The following FN1 variants were observed in gnomAD, a reference collection of about 807,000 sequenced individuals.
FN1 encodes fibronectin.
In FN1, 106 loss-of-function variants were observed where a neutral mutation model predicts 297.3. That is an observed-to-expected ratio of 0.36 (90% confidence interval 0.30 to 0.42). FN1 has a LOEUF of 0.42. Ranked by LOEUF, FN1 falls within the 10% of genes least tolerant of loss-of-function variation. FN1 has a pLI of 1.00. For missense variants in FN1, 2,690 were observed against 3,124.9 expected (o/e 0.86, Z 3.32); for synonymous variants, 1,149 against 1,152.6 (o/e 1.00, Z 0.06).
At position 215,408,289 on chromosome 2, in the gene FN1, C is replaced by A; in HGVS notation, c.2428+9G>T. On this transcript the variant is annotated intron_variant, in intron 16 of 45. Transcript: ENST00000354785. ...AAGATTCTTTTAACACTATGTAGCA[C>A]ACATGTACCTGTTGTTTGTGAAGTA... 1 of 1,614,190 alleles carries A rather than the reference C, an allele frequency of 6.2e-7. No individual in the cohort carries two copies. Among genetic ancestry groups the A allele is most frequent in the Non-Finnish European group, 8.5e-7 (1 of 1,180,008 alleles).
intron 14 of FN1, 77 bp from the exon 15 acceptor site, chr2:215,409,816 T>A (rs2062326750): frequency 1.3e-6 from 2 of 1,594,202 alleles, no homozygotes; most frequent in Admixed American, 1.7e-5. Context: ...AACATCATTT[T>A]AAAAAACGTT....
At chr2:215,402,009 C>T (rs960755652) in intron 20 of FN1, among the ~76,000 whole-genome samples, 31 of 152,082 alleles carry the variant, frequency 2.0e-4, no homozygotes, top group Non-Finnish European at 1.2e-4. Context: ...TTATACACCA[C>T]TTGACTGCTG....
chr2:215,434,915 T>A, intron 1 of FN1, 91 bp from the exon 2 acceptor site: 1 of 1,407,328 alleles, frequency 7.1e-7, no homozygotes, highest in Non-Finnish European at 1.0e-6. Flanking sequence ...ACGTACATAT[T>A]TTTTTCCTTT....
intron 42 of FN1, among the ~76,000 whole-genome samples, chr2:215,366,829 ACGT>A (rs1452691283): frequency 5.9e-5 from 9 of 152,248 alleles, no homozygotes; most frequent in South Asian, 4.2e-4. Context: ...ACAAACTTAA[ACGT>A]AGTTCGATTT....
intron 13 of FN1, 112 bp downstream of exon 13, chr2:215,414,725 T>C (rs1575691200): frequency 6.5e-7 from 1 of 1,537,140 alleles, no homozygotes; most frequent in East Asian, 2.3e-5. Context: ...TAGTAAATGC[T>C]ATAGGAATAG....
rs2289201 is a variant in FN1, at chr2:215,406,136, C to G, written c.2986+102G>C. 114 of 1,221,206 alleles carry G rather than the reference C, an allele frequency of 9.3e-5. No homozygotes were observed. The East Asian group carries it at 2.6e-3, about 28-fold the overall frequency. The allele number at this position is 1,221,206 out of a possible 1,614,324, so 75.6% of individuals were successfully genotyped here. A position where few individuals can be genotyped will look rare whatever the true frequency, so the allele number is the denominator to read the frequency against. ...TTGCCGGCTGGGTATTTCCCTCTCT[C>G]TAAGCCATACACCTCTGAGTGAATG... On this transcript the variant is annotated intron_variant, in intron 19 of 45. Coordinates refer to ENST00000354785, the MANE Select transcript of FN1 (RefSeq NM_212482.4).
intron 6 of FN1, among the ~76,000 whole-genome samples, chr2:215,427,250 A>T (rs2065623871): frequency 6.6e-6 from 1 of 152,190 alleles, no homozygotes. Context: ...TATCAAATCT[A>T]ATCTTGTTCA....
Position 215,382,219 on chromosome 2 carries a change from T to C in FN1, c.5157A>G (p.Ala1719=). The C allele has an allele frequency of 1.2e-6, 2 of 1,609,120 alleles. No homozygotes were observed. The highest frequency in any genetic ancestry group is 1.7e-6 in the Non-Finnish European group (2 of 1,175,420). The change falls in exon 32 of 46, where the codon GCA becomes GCG. Residue 1719 remains alanine, a synonymous_variant. Coordinates refer to ENST00000354785, the MANE Select transcript of FN1 (RefSeq NM_212482.4). The stretch of plus-strand genomic sequence containing the variant: ...CAAGCAGTGGTTACGTACTGGTTAC[T>C]GCAGTCTGAACCAGAGGCTGACTCT... The part of the protein sequence containing the change: ...SGESQPLVQT[A]VTNIDRPKGL...
intron 26 of FN1, among the ~76,000 whole-genome samples, chr2:215,390,648 T>A (rs2059610181): frequency 6.6e-6 from 1 of 152,020 alleles, no homozygotes; most frequent in African/African-American, 2.4e-5. Flanking sequence ...GGGGCTTGTA[T>A]ACTGGGTGAT....
intron 38 of FN1, 72 bp downstream of exon 38, chr2:215,375,142 G>A (rs533821550): frequency 7.1e-7 from 1 of 1,415,358 alleles, no homozygotes; most frequent in African/African-American, 1.4e-5. Context: ...CAAAGACGCT[G>A]TGGGAGTTTG....
chr2:215,410,013 G>A lies in FN1; in HGVS notation c.2043C>T (p.Leu681=). Residue 681 remains leucine, a synonymous_variant, in exon 14 of 46, where the codon CTC becomes CTT. Transcript: ENST00000354785. ...LKPGVVYEGQ[L]ISIQQYGHQE... ...GGTGGCCGTACTGCTGGATGCTGATGAGCTGGCCCTCGTATACCACACCAG... is the reference window on the plus strand; with the variant it reads ...GGTGGCCGTACTGCTGGATGCTGATAAGCTGGCCCTCGTATACCACACCAG... 6.2e-7 allele frequency: 1 copy of A among 1,614,048 alleles called. No individual in the cohort carries two copies. The highest frequency in any genetic ancestry group is 8.5e-7 in the Non-Finnish European group (1 of 1,180,022).
chr2:215,386,011 C>T (rs1008076681), intron 28 of FN1, among the ~76,000 whole-genome samples: 21 of 150,854 alleles, frequency 1.4e-4, no homozygotes, highest in African/African-American at 4.6e-4. Context: ...CTCTTGACCT[C>T]GTGATCCACC....
At position 215,428,198 on chromosome 2, in the gene FN1, C is replaced by A; in HGVS notation, c.826G>T (p.Val276Leu). 6.2e-7 allele frequency: 1 copy of A among 1,614,156 alleles called. No homozygotes were observed. Among genetic ancestry groups the A allele is most frequent in the Non-Finnish European group, 8.5e-7 (1 of 1,180,046 alleles). Reference sequence around the variant, plus strand: ...GCCTCACCGCTCGATGTGGTCTGCACAGAGGTGTGCCTCTCACACTTCCAC... The same window carrying A: ...GCCTCACCGCTCGATGTGGTCTGCAAAGAGGTGTGCCTCTCACACTTCCAC... ...GEWKCERHTS[V>L]QTTSSGSGPF... The change falls in exon 6 of 46, where the codon GTG (valine) becomes TTG (leucine). Residue 276 changes from valine to leucine, a missense_variant. Physicochemically the swap from Val to Leu is conservative, Grantham distance 32. Coordinates refer to ENST00000354785, the MANE Select transcript of FN1 (RefSeq NM_212482.4).
intron 11 of FN1, 76 bp downstream of exon 11, chr2:215,420,597 C>T (rs1046432321): frequency 1.1e-4 from 178 of 1,581,298 alleles, no homozygotes; most frequent in Non-Finnish European, 1.0e-4. Context: ...CATGTGATTT[C>T]ACATAGCTTT....
At position 215,414,920 on chromosome 2, in the gene FN1, G is replaced by A; in HGVS notation, c.1858C>T (p.Pro620Ser). The change falls in exon 13 of 46, where the codon CCG (proline) becomes TCG (serine). Residue 620 changes from proline (P) to serine (S), a missense_variant. Physicochemically the swap from Pro to Ser is moderately conservative, Grantham distance 74. This residue lies in a region of FN1 where 876 missense variants were observed against 1,058.1 expected (regional missense o/e 0.83). Transcript: ENST00000354785. ...GPVEVFITET[P>S]SQPNSHPIQW... ...ATGGGGTGGGAGTTGGGCTGACTCGGAGTCTCAGTGATAAATACTTCGACA... is the reference window on the plus strand; with the variant it reads ...ATGGGGTGGGAGTTGGGCTGACTCGAAGTCTCAGTGATAAATACTTCGACA... 1 of 1,613,896 alleles carries A rather than the reference G, an allele frequency of 6.2e-7. No individual in the cohort carries two copies. The highest frequency in any genetic ancestry group is 8.5e-7 in the Non-Finnish European group (1 of 1,179,878).
At chr2:215,419,181 C>G (rs2063848807) in intron 12 of FN1, 61 bp downstream of exon 12, 9 of 1,467,292 alleles carry the variant, frequency 6.1e-6, no homozygotes, top group Non-Finnish European at 8.6e-6. Context: ...CATTAATAAT[C>G]ACTGCCCTGT....
At position 215,409,590 on chromosome 2, in the gene FN1, C is replaced by G; in HGVS notation, c.2272G>C (p.Glu758Gln). Residue 758 changes from glutamate (E) to glutamine (Q), a missense_variant, in exon 15 of 46, where the codon GAG (glutamate) becomes CAG (glutamine). By Grantham distance (29) the Glu-to-Gln change is conservative. This residue lies in a region of FN1 where 876 missense variants were observed against 1,058.1 expected (regional missense o/e 0.83). Coordinates refer to ENST00000354785, the MANE Select transcript of FN1 (RefSeq NM_212482.4). ...SGFRVEYELS[E>Q]EGDEPQYLDL... ...AGGTACTGTGGCTCATCTCCCTCCT[C>G]ACTCAGCTCATATTCCACCCGGAAT... The G allele has an allele frequency of 6.2e-7, 1 of 1,613,844 alleles. No individual in the cohort carries two copies. The highest frequency in any genetic ancestry group is 8.5e-7 in the Non-Finnish European group (1 of 1,180,034).
intron 33 of FN1, chr2:215,380,601 G>A: frequency 1.5e-6 from 1 of 652,174 alleles, no homozygotes. Context: ...TATAAGCCAG[G>A]ATACTCCAAA....
rs1353568744 is a variant in FN1, at chr2:215,369,138, G to A, written c.6854-1111C>T. 2.7e-5 allele frequency among the ~76,000 whole-genome samples: 4 copies of A among 148,426 alleles called. No individual in the cohort carries two copies. In the South Asian group the frequency reaches 6.4e-4, roughly 24 times the overall value. On this transcript the variant is annotated intron_variant, in intron 41 of 45. Coordinates refer to ENST00000354785, the MANE Select transcript of FN1 (RefSeq NM_212482.4). ...AAGAAAAATGGAAGGAACTTAAATT[G>A]TTACTAGGGGTTTCTATACTCAAAA...
Sources: allele counts gnomAD v4.1 joint callset (sites outside exome capture counted in the v4.1 genomes callset), GRCh38; gene constraint gnomAD v4.1.1; regional missense constraint gnomAD v4.1.1; transcripts MANE v1.5; gene names NCBI Gene and HGNC (gene_info 2026-07-23, HGNC 2026-07-21).